Variants in CARS1 observed in about 807,000 individuals in gnomAD.
CARS1 encodes the protein cysteinyl-tRNA synthetase 1, also known as cysteine--tRNA ligase, cytoplasmic.
CARS1 carries 48 observed loss-of-function variants against 106.2 expected under a neutral mutation model. The observed-to-expected ratio is 0.45, with a 90% CI of 0.36 to 0.57. The LOEUF (loss-of-function observed/expected upper bound fraction) is 0.57, where lower values mean the gene tolerates loss of function less well. CARS1 is among the 20% of genes least tolerant of loss of function. The pLI is 0.00. For synonymous variants in CARS1, 409 were observed against 403.4 expected, an observed-to-expected ratio of 1.01 and a Z score of -0.17; for missense variants, 968 against 1,057.2, an observed-to-expected ratio of 0.92 and a Z score of 1.17.
intron 17 of CARS1, among the ~76,000 whole-genome samples, chr11:3,014,990 G>A (rs531437955): frequency 1.1e-4 from 16 of 152,282 alleles, no homozygotes; most frequent in Admixed American, 6.5e-5. Flanking sequence ...CATTCTAATC[G>A]AATAGTCAAA....
At chr11:3,006,788 G>A in intron 19 of CARS1, 91 bp downstream of exon 19, 1 of 1,012,476 alleles carries the variant, frequency 9.9e-7, no homozygotes, top group South Asian at 1.3e-5. Flanking sequence ...CAATCATGAA[G>A]CATGAGCCTC....
At chr11:3,055,951 A>G (rs1298666317) in intron 1 of CARS1, among the ~76,000 whole-genome samples, 1 of 152,096 alleles carries the variant, frequency 6.6e-6, no homozygotes, top group African/African-American at 2.4e-5. Flanking sequence ...GTGGTTCCAG[A>G]GTTGGGGCTG....
chr11:3,052,356 G>A lies in CARS1; in HGVS notation c.26-4355C>T, dbSNP rs936283112. 1.3e-5 allele frequency among the ~76,000 whole-genome samples: 2 copies of A among 152,212 alleles called. No homozygotes were observed. The highest frequency in any genetic ancestry group is 3.8e-4 in the East Asian group (2 of 5,202). Reference sequence around the variant, plus strand: ...CTTGTAAAATGTTTAAAAGCTGCCTGGCACAGAGCCAGGGGCCCCATTTGC... The same window carrying A: ...CTTGTAAAATGTTTAAAAGCTGCCTAGCACAGAGCCAGGGGCCCCATTTGC... On this transcript the variant is annotated intron_variant, in intron 1 of 22. Coordinates refer to ENST00000380525, the MANE Select transcript of CARS1 (RefSeq NM_001014437.3). This position sits in a 1 kb window ranked among gnomAD's most constrained non-coding sequence, Gnocchi z 4.6.
Position 3,029,189 on chromosome 11 carries a change from C to T in CARS1, c.943-105G>A. On this transcript the variant is annotated intron_variant, in intron 8 of 22. Coordinates refer to ENST00000380525, the MANE Select transcript of CARS1 (RefSeq NM_001014437.3). The surrounding 1 kb of genome is among the most constrained non-coding windows in gnomAD (Gnocchi z 5.9). ...ACGAAAAGCCCATTATGCCCCTCAA[C>T]TCAAGTTCAATGTTGACTTGGCCGC... 6.9e-7 allele frequency: 1 copy of T among 1,449,776 alleles called. No homozygotes were observed. Among genetic ancestry groups the T allele is most frequent in the South Asian group, 1.2e-5 (1 of 86,794 alleles). The allele number at this position is 1,449,776 out of a possible 1,614,324, so 89.8% of individuals were successfully genotyped here. A position where few individuals can be genotyped will look rare whatever the true frequency, so the allele number is the denominator to read the frequency against.
In CARS1 at chr11:3,050,107, C is replaced by T. The variant is rs898624849; in HGVS notation, c.26-2106G>A. Among the ~76,000 whole-genome samples, 4 of 152,166 alleles carry T rather than the reference C, an allele frequency of 2.6e-5. No homozygotes were observed. Among genetic ancestry groups the T allele is most frequent in the East Asian group, 1.9e-4 (1 of 5,194 alleles). On this transcript the variant is annotated intron_variant, in intron 1 of 22. Transcript: ENST00000380525. This position sits in a 1 kb window ranked among gnomAD's most constrained non-coding sequence, Gnocchi z 6.3. ...CCCAAGGCCCAGCCTCCGTGGCTGC[C>T]GGAGAAGATGTCCTGAAGCCACCTC...
chr11:3,032,166 G>A (rs537363562), intron 7 of CARS1, among the ~76,000 whole-genome samples: 5 of 151,080 alleles, frequency 3.3e-5, no homozygotes, highest in East Asian at 2.0e-4. Context: ...TCCGCCTCCC[G>A]GGTTCAAGCA....
intron 7 of CARS1, among the ~76,000 whole-genome samples, chr11:3,033,054 T>C (rs949197564): frequency 3.3e-5 from 5 of 151,962 alleles, no homozygotes; most frequent in South Asian, 2.1e-4. Flanking sequence ...AAAAAAACTT[T>C]TTTTTTTTCT....
At position 3,038,233 on chromosome 11, in the gene CARS1, T is replaced by C. The variant is rs1468633689; in HGVS notation, c.652-34A>G. 6.3e-7 allele frequency: 1 copy of C among 1,595,306 alleles called. No homozygotes were observed. Among genetic ancestry groups the C allele is most frequent in the Admixed American group, 1.7e-5 (1 of 59,324 alleles). On this transcript the variant is annotated intron_variant, in intron 6 of 22. Coordinates refer to ENST00000380525, the MANE Select transcript of CARS1 (RefSeq NM_001014437.3). This position sits in a 1 kb window ranked among gnomAD's most constrained non-coding sequence, Gnocchi z 4.0. ...ATAAAGAGACGTCAAATCTATTAGA[T>C]ACTGCTCAGCAAAACCTAAATTCAT...
rs377765 is a variant in CARS1, at chr11:3,025,068, C to G, written c.1153+1608G>C. Among the ~76,000 whole-genome samples the G allele has an allele frequency of 3.1e-4, 47 of 152,076 alleles. No homozygotes were observed. The East Asian group carries it at 9.1e-3, about 29-fold the overall frequency. ...TCTAGGGTAGTGAAGCCTTCTGGTC[C>G]AGAGGCCCAGGCTGCATCCTCTCAG... On this transcript the variant is annotated intron_variant, in intron 10 of 22. Transcript: ENST00000380525.
chr11:3,027,430 C>G (rs535691545), intron 9 of CARS1: 11 of 165,850 alleles, frequency 6.6e-5, no homozygotes, highest in African/African-American at 2.6e-4. Context: ...GCGCACGGTA[C>G]AGTGCTGAGC....
In CARS1 at chr11:3,046,669, C is replaced by T. The variant is rs1412557435; in HGVS notation, c.274+1084G>A. ...TCCCAATCCCAGGCCCCAACGGAGTCTGGAGAAGCCCCCAGAAGGCTGCCA... is the reference window on the plus strand; with the variant it reads ...TCCCAATCCCAGGCCCCAACGGAGTTTGGAGAAGCCCCCAGAAGGCTGCCA... On this transcript the variant is annotated intron_variant, in intron 2 of 22. Coordinates refer to ENST00000380525, the MANE Select transcript of CARS1 (RefSeq NM_001014437.3). The surrounding 1 kb of genome is among the most constrained non-coding windows in gnomAD (Gnocchi z 5.8). 1.3e-5 allele frequency among the ~76,000 whole-genome samples: 2 copies of T among 152,304 alleles called. No individual in the cohort carries two copies. Among genetic ancestry groups the T allele is most frequent in the Non-Finnish European group, 2.9e-5 (2 of 68,022 alleles).
chr11:3,022,879 C>T lies in CARS1; in HGVS notation c.1154-2547G>A, dbSNP rs1006720489. On this transcript the variant is annotated intron_variant, in intron 10 of 22. Coordinates refer to ENST00000380525, the MANE Select transcript of CARS1 (RefSeq NM_001014437.3). The surrounding 1 kb of genome is among the most constrained non-coding windows in gnomAD (Gnocchi z 4.9). Reference sequence around the variant, plus strand: ...TCCTCTACCATTAGAGTCCCCATGGCGAGGAGCACATGACTGCACAGAGCT... The same window carrying T: ...TCCTCTACCATTAGAGTCCCCATGGTGAGGAGCACATGACTGCACAGAGCT... Among the ~76,000 whole-genome samples the T allele has an allele frequency of 5.3e-5, 8 of 152,172 alleles. No homozygotes were observed. The highest frequency in any genetic ancestry group is 7.3e-5 in the Non-Finnish European group (5 of 68,036).
At position 3,037,254 on chromosome 11, in the gene CARS1, G is replaced by A. The variant is rs115137905; in HGVS notation, c.801+796C>T. ...AGTTTGGAAACAGGCGCAACGAAGC[G>A]ATCTGCTGAGTCAGGACACAGAAGA... On this transcript the variant is annotated intron_variant, in intron 7 of 22. Transcript: ENST00000380525. This position sits in a 1 kb window ranked among gnomAD's most constrained non-coding sequence, Gnocchi z 5.9. 2.0e-5 allele frequency among the ~76,000 whole-genome samples: 3 copies of A among 152,222 alleles called. No homozygotes were observed. Among genetic ancestry groups the A allele is most frequent in the African/African-American group, 2.4e-5 (1 of 41,450 alleles).
Position 3,029,791 on chromosome 11 carries a change from C to T in CARS1, c.802-348G>A. ...GTTATGGGCAGAGGCTGGGCAGGAG[C>T]ACACAGTGTGTCACCTACAGCACAA... On this transcript the variant is annotated intron_variant, in intron 7 of 22. Transcript: ENST00000380525. This position sits in a 1 kb window ranked among gnomAD's most constrained non-coding sequence, Gnocchi z 5.9. 3.4e-6 allele frequency: 1 copy of T among 291,332 alleles called. No homozygotes were observed. The highest frequency in any genetic ancestry group is 7.2e-5 in the South Asian group (1 of 13,868). The allele number at this position is 291,332 out of a possible 1,614,324, so 18.0% of individuals were successfully genotyped here.
chr11:3,012,360 C>A, intron 17 of CARS1, 84 bp from the exon 18 acceptor site: 1 of 1,212,274 alleles, frequency 8.2e-7, no homozygotes, highest in African/African-American at 1.5e-5. Context: ...GGCCGCGACA[C>A]AGGGCAGGGA....
intron 10 of CARS1, among the ~76,000 whole-genome samples, chr11:3,025,945 G>A (rs1215578522): frequency 6.6e-6 from 1 of 152,184 alleles, no homozygotes; most frequent in African/African-American, 2.4e-5. Context: ...CCAGGCCCCA[G>A]GGGCCACTAT....
chr11:3,005,710 G>A (rs1482379904), intron 19 of CARS1, among the ~76,000 whole-genome samples: 1 of 146,696 alleles, frequency 6.8e-6, no homozygotes, highest in Non-Finnish European at 1.5e-5. Context: ...TCAGTTCACT[G>A]CAACCTTTGC....
In CARS1 at chr11:3,044,884, C is replaced by T. The variant is rs1234153138; in HGVS notation, c.275-2628G>A. Among the ~76,000 whole-genome samples the T allele has an allele frequency of 6.6e-6, 1 of 152,116 alleles. No individual in the cohort carries two copies. The highest frequency in any genetic ancestry group is 2.4e-5 in the African/African-American group (1 of 41,420). On this transcript the variant is annotated intron_variant, in intron 2 of 22. Coordinates refer to ENST00000380525, the MANE Select transcript of CARS1 (RefSeq NM_001014437.3). The surrounding 1 kb of genome is among the most constrained non-coding windows in gnomAD (Gnocchi z 4.4). ...CAGGAAGTGGCAAGCAGTCTGCCTACAACACACCAGATGCAGATAGGACCC... is the reference window on the plus strand; with the variant it reads ...CAGGAAGTGGCAAGCAGTCTGCCTATAACACACCAGATGCAGATAGGACCC...
In CARS1 at chr11:3,048,173, G is replaced by C. The variant is rs763362344; in HGVS notation, c.26-172C>G. On this transcript the variant is annotated intron_variant, in intron 1 of 22. Coordinates refer to ENST00000380525, the MANE Select transcript of CARS1 (RefSeq NM_001014437.3). The surrounding 1 kb of genome is among the most constrained non-coding windows in gnomAD (Gnocchi z 5.1). Reference sequence around the variant, plus strand: ...GGCACAGGGGCAGCGCTTCGACTGGGGGCGAGGGAGTGACTGCCTGACAGG... The same window carrying C: ...GGCACAGGGGCAGCGCTTCGACTGGCGGCGAGGGAGTGACTGCCTGACAGG... Among the ~76,000 whole-genome samples, 1 of 152,174 alleles carries C rather than the reference G, an allele frequency of 6.6e-6. No homozygotes were observed. Among genetic ancestry groups the C allele is most frequent in the Non-Finnish European group, 1.5e-5 (1 of 68,026 alleles).
Sources: allele counts gnomAD v4.1 joint callset (sites outside exome capture counted in the v4.1 genomes callset), GRCh38; gene constraint gnomAD v4.1.1; non-coding constraint Gnocchi (gnomAD v3.1); transcripts MANE v1.5; gene names NCBI Gene and HGNC (gene_info 2026-07-23, HGNC 2026-07-21).